The following GSDMD variants were observed in gnomAD, a reference collection of about 807,000 sequenced individuals.
The protein encoded by GSDMD is gasdermin D.
GSDMD carries 46 observed loss-of-function variants against 46.7 expected under a neutral mutation model. The ratio of observed to expected loss-of-function variants is 0.99; its 90% confidence interval spans 0.78 to 1.26. The LOEUF (loss-of-function observed/expected upper bound fraction) is 1.26. Among genes scored for constraint, GSDMD ranks in the 50% most tolerant of loss-of-function variants. GSDMD has a pLI of 0.00. For synonymous variants in GSDMD, 307 were observed against 283.1 expected, an observed-to-expected ratio of 1.08 and a Z score of -0.85; for missense variants, 649 against 638.8, an observed-to-expected ratio of 1.02 and a Z score of -0.17.
chr8:143,557,359 G>A (rs541233912), upstream of GSDMD, among the ~76,000 whole-genome samples: 7 of 150,112 alleles, frequency 4.7e-5, no homozygotes, highest in African/African-American at 7.5e-5. Context: ...CCGCTTTGGC[G>A]AAGGATGCTG....
At chr8:143,556,520 G>A (rs576621947), upstream of GSDMD, among the ~76,000 whole-genome samples, 4 of 152,352 alleles carry the variant, frequency 2.6e-5, no homozygotes, top group East Asian at 7.7e-4. Context: ...ACTCCAGCCT[G>A]GGCGACAGAG....
intron 4 of GSDMD, 54 bp downstream of exon 4, chr8:143,560,825 G>GGCT (rs1823440098): frequency 2.1e-6 from 3 of 1,461,798 alleles, no homozygotes; most frequent in Non-Finnish European, 2.7e-6. Context: ...ATGCGGCGGC[G>GGCT]GGTGACGGAG....
At chr8:143,557,282 C>A (rs993807861), upstream of GSDMD, among the ~76,000 whole-genome samples, 1 of 101,886 alleles carries the variant, frequency 9.8e-6, no homozygotes, top group South Asian at 3.4e-4. Flanking sequence ...GGGTTTCCAC[C>A]TTGCCGCTAT....
In GSDMD at chr8:143,561,080, C is replaced by T; in HGVS notation, c.658C>T (p.Gln220Ter). 1 of 1,613,214 alleles carries T rather than the reference C, an allele frequency of 6.2e-7. No homozygotes were observed. The highest frequency in any genetic ancestry group is 8.5e-7 in the Non-Finnish European group (1 of 1,179,936). ...CAGCACCCTCGCATTCCGGGTGGCCCAGCTGGTTATTGACTCTGACTTGGG... is the reference window on the plus strand; with the variant it reads ...CAGCACCCTCGCATTCCGGGTGGCCTAGCTGGTTATTGACTCTGACTTGGG... Reference protein sequence around the residue: ...SGSTLAFRVAQLVIDSDLDVL... With the variant: ...SGSTLAFRVA Residue 220 changes from glutamine (Q) to a stop codon, truncating the protein, a stop_gained, in exon 5 of 11, where the codon CAG becomes TAG. Coordinates refer to ENST00000262580, the MANE Select transcript of GSDMD (RefSeq NM_024736.7). LOFTEE classifies it high-confidence loss of function.
At position 143,562,968 on chromosome 8, in the gene GSDMD, G is replaced by T; in HGVS notation, c.*64G>T. 1 of 1,599,584 alleles carries T rather than the reference G, an allele frequency of 6.3e-7. No individual in the cohort carries two copies. On this transcript the variant is annotated 3_prime_UTR_variant, in exon 11 of 11. Transcript: ENST00000262580. ...CAGAGTGTTTGCCCACCAGCTGCTA[G>T]CCCTAGGAAGGCCAGGAGCCCAGTA...
In GSDMD at chr8:143,559,316, CATTT is replaced by C; in HGVS notation, c.-4-15_-4-12del. 2 of 1,563,132 alleles carry C rather than the reference CATTT, an allele frequency of 1.3e-6. No homozygotes were observed. The highest frequency in any genetic ancestry group is 1.1e-5 in the South Asian group (1 of 89,328). ...CGCCCCGAGAGCACAATGCCTGACC[CATTT>C]CCCCTCCTCAGGAGCATGGGGTCGG... is the stretch of plus-strand genomic sequence containing the variant. On this transcript the variant is annotated splice_polypyrimidine_tract_variant and intron_variant, in intron 1 of 10. Transcript: ENST00000262580.
Position 143,561,980 on chromosome 8 carries a change from C to T in GSDMD, c.845C>T (p.Ala282Val), listed in dbSNP as rs759488186. Reference sequence around the variant, plus strand: ...ACAGATGGGGTCCCTGCGGAGGGGGCGTTCACTGAAGACTTCCAGGGCCTA... The same window carrying T: ...ACAGATGGGGTCCCTGCGGAGGGGGTGTTCACTGAAGACTTCCAGGGCCTA... Reference protein sequence around the residue: ...FLTDGVPAEGAFTEDFQGLRA... With the variant: ...FLTDGVPAEGVFTEDFQGLRA... The change falls in exon 8 of 11, where the codon GCG becomes GTG. Residue 282 changes from alanine to valine, a missense_variant. Physicochemically the swap from Ala to Val is moderately conservative, Grantham distance 64 (BLOSUM62 0). Transcript: ENST00000262580. The T allele has an allele frequency of 7.5e-6, 12 of 1,607,754 alleles. No homozygotes were observed. Among genetic ancestry groups the T allele is most frequent in the Admixed American group, 1.7e-5 (1 of 59,656 alleles).
At chr8:143,553,954 C>T (rs1039933118), upstream of GSDMD, among the ~76,000 whole-genome samples, 2 of 141,060 alleles carry the variant, frequency 1.4e-5, no homozygotes, top group African/African-American at 2.5e-5. Context: ...GGAAAATAAG[C>T]CTGGGCTCTT....
At chr8:143,557,341 G>GGATGCTGCCGCTGTGACGACA (rs1823322670), upstream of GSDMD, among the ~76,000 whole-genome samples, 1 of 141,114 alleles carries the variant, frequency 7.1e-6, no homozygotes, top group African/African-American at 3.1e-5. Flanking sequence ...CTATGGTGAA[G>GGATGCTGCCGCTGTGACGACA]GATGCTGCCG....
chr8:143,561,541 G>T (rs546736595), intron 6 of GSDMD, 118 bp downstream of exon 6: 212 of 1,072,756 alleles, frequency 2.0e-4, no homozygotes, highest in Non-Finnish European at 2.7e-4. Context: ...CCCCTGAGGC[G>T]GTGGGCACCC....
Position 143,562,144 on chromosome 8 carries a change from G to C in GSDMD, c.996+13G>C. 1.3e-6 allele frequency: 2 copies of C among 1,597,840 alleles called. No individual in the cohort carries two copies. The highest frequency in any genetic ancestry group is 1.7e-6 in the Non-Finnish European group (2 of 1,179,204). ...CTTGGAGGAGGCGGTGAGCGGGGGA[G>C]GGTGCCCGGGGCACACAAGGCCTGC... On this transcript the variant is annotated intron_variant, in intron 8 of 10. Coordinates refer to ENST00000262580, the MANE Select transcript of GSDMD (RefSeq NM_024736.7).
intron 5 of GSDMD, 119 bp downstream of exon 5, chr8:143,561,223 C>T (rs1823452781): frequency 1.6e-6 from 2 of 1,230,816 alleles, no homozygotes; most frequent in South Asian, 2.6e-5. Flanking sequence ...CGTCCTGTGT[C>T]TGGCAGGTGG....
chr8:143,560,405 T>TG, intron 3 of GSDMD, 198 bp from the exon 4 acceptor site: 1 of 635,470 alleles, frequency 1.6e-6, no homozygotes, highest in Non-Finnish European at 2.8e-6. Flanking sequence ...AGTCTGGACT[T>TG]GGAGTCCCCG....
At chr8:143,555,044 C>T (rs1166774845), upstream of GSDMD, 1 of 152,296 alleles carries the variant, frequency 6.6e-6, no homozygotes, top group Non-Finnish European at 1.5e-5. Flanking sequence ...CTTCTGTTGG[C>T]ATCTGAATTT....
At chr8:143,560,921 C>T in intron 4 of GSDMD, 81 bp from the exon 5 acceptor site, 1 of 1,458,468 alleles carries the variant, frequency 6.9e-7, no homozygotes, top group South Asian at 1.2e-5. Context: ...TGGCGGCGGG[C>T]CTGCCCCCGG....
intron 1 of GSDMD, 54 bp downstream of exon 1, chr8:143,558,505 C>T: frequency 1.4e-6 from 2 of 1,385,446 alleles, no homozygotes; most frequent in Non-Finnish European, 1.9e-6. Context: ...CGAGTGGGGC[C>T]GGCCGCTGGC....
At position 143,562,837 on chromosome 8, in the gene GSDMD, A is replaced by G. The variant is rs1823501656; in HGVS notation, c.1388A>G (p.Gln463Arg). Residue 463 changes from glutamine (Q) to arginine (R), a missense_variant, in exon 11 of 11, where the codon CAG becomes CGG. Physicochemically the swap from Gln to Arg is conservative, Grantham distance 43 (BLOSUM62 1). Transcript: ENST00000262580. ...CACGTGTGCTGGGAGCCGCAGGCCC[A>G]GGGCCGCATGTGTGCACTCTACGCC... ...TPHVCWEPQAQGRMCALYASL... is the reference protein window; with the variant it reads ...TPHVCWEPQARGRMCALYASL... The G allele has an allele frequency of 6.2e-7, 1 of 1,611,636 alleles. No individual in the cohort carries two copies.
rs764370845 is a variant in GSDMD, at chr8:143,562,087, G to A, written c.952G>A (p.Gly318Arg). 3 of 1,596,758 alleles carry A rather than the reference G, an allele frequency of 1.9e-6. No individual in the cohort carries two copies. The highest frequency in any genetic ancestry group is 1.1e-5 in the South Asian group (1 of 90,222). The change falls in exon 8 of 11, where the codon GGG becomes AGG. Residue 318 changes from glycine (G) to arginine (R), a missense_variant. Physicochemically the swap from Gly to Arg is moderately radical, Grantham distance 125 (BLOSUM62 -2). Transcript: ENST00000262580. The part of the protein sequence containing the change: ...LCQLLLEGLE[G>R]VLRDQLALRA... ...CCAGCTGCTGCTGGAGGGCCTGGAG[G>A]GGGTGCTGCGGGACCAGCTGGCCCT...
In GSDMD at chr8:143,562,914, G is replaced by C; in HGVS notation, c.*10G>C. ...CCAGGAGCCCCACTAGCCTGTGCCC[G>C]GGCATGGCCTGGCAGCTCTCCAGCA... On this transcript the variant is annotated 3_prime_UTR_variant, in exon 11 of 11. Transcript: ENST00000262580. 1.2e-6 allele frequency: 2 copies of C among 1,611,774 alleles called. No homozygotes were observed. Among genetic ancestry groups the C allele is most frequent in the Non-Finnish European group, 1.7e-6 (2 of 1,179,932 alleles).
Sources: allele counts gnomAD v4.1 joint callset (sites outside exome capture counted in the v4.1 genomes callset), GRCh38; gene constraint gnomAD v4.1.1; transcripts MANE v1.5; gene names NCBI Gene and HGNC (gene_info 2026-07-23, HGNC 2026-07-21).